The following NNAT variants were observed in gnomAD, a reference collection of about 807,000 sequenced individuals.
NNAT encodes the protein neuronatin.
A neutral mutation model predicts 12.7 loss-of-function variants in NNAT; 8 were observed. The ratio of observed to expected loss-of-function variants is 0.63; its 90% confidence interval spans 0.37 to 1.14. NNAT has a LOEUF of 1.14. Among genes scored for constraint, NNAT ranks in the 50% most tolerant of loss-of-function variants. The pLI, the probability that NNAT is intolerant of heterozygous loss-of-function variation, is 0.01. For synonymous variants in NNAT, 52 were observed against 48.5 expected (o/e 1.07, Z -0.30); for missense variants, 94 against 108.3 (o/e 0.87, Z 0.59).
Position 37,521,273 on chromosome 20 carries a change from A to G in NNAT, c.-59A>G. Reference sequence around the variant, plus strand: ...GCAGTGCGCCCAACAGCGGACTCCGAGACCAGCGGATCTCGGCAAACCCTC... The same window carrying G: ...GCAGTGCGCCCAACAGCGGACTCCGGGACCAGCGGATCTCGGCAAACCCTC... On this transcript the variant is annotated 5_prime_UTR_variant, in exon 1 of 3. Coordinates refer to ENST00000649451, the MANE Select transcript of NNAT (RefSeq NM_005386.4). The surrounding 1 kb of genome is among the most constrained non-coding windows in gnomAD (Gnocchi z 4.5). 1 of 1,576,498 alleles carries G rather than the reference A, an allele frequency of 6.3e-7. No individual in the cohort carries two copies. Among genetic ancestry groups the G allele is most frequent in the Non-Finnish European group, 8.7e-7 (1 of 1,146,304 alleles).
chr20:37,522,505 C>T, intron 2 of NNAT, 67 bp downstream of exon 2: 4 of 1,530,970 alleles, frequency 2.6e-6, no homozygotes, highest in Non-Finnish European at 3.6e-6. Context: ...GGAAAAGCTC[C>T]AGCTGCCCTG....
At chr20:37,522,559 C>A in intron 2 of NNAT, 108 bp from the exon 3 acceptor site, 3 of 977,180 alleles carry the variant, frequency 3.1e-6, no homozygotes, top group Non-Finnish European at 1.4e-6. Flanking sequence ...CCAGCCTACG[C>A]TGGATGGGCG....
At position 37,521,713 on chromosome 20, in the gene NNAT, A is replaced by T; in HGVS notation, c.72+310A>T. The T allele has an allele frequency of 2.9e-6, 1 of 343,404 alleles. No individual in the cohort carries two copies. Among genetic ancestry groups the T allele is most frequent in the Admixed American group, 4.5e-5 (1 of 22,048 alleles). 21.3% of individuals were successfully genotyped at this position (343,404 alleles called of 1,614,324 possible). ...GGTAAGAAAAACCCGCTACACCCGG[A>T]CTCGACCCCAGGAGGGAGGCGGGGC... On this transcript the variant is annotated intron_variant, in intron 1 of 2. Transcript: ENST00000649451. This position sits in a 1 kb window ranked among gnomAD's most constrained non-coding sequence, Gnocchi z 4.5.
chr20:37,522,506 A>G, intron 2 of NNAT, 68 bp downstream of exon 2: 1 of 1,518,186 alleles, frequency 6.6e-7, no homozygotes, highest in Non-Finnish European at 9.1e-7. Context: ...GAAAAGCTCC[A>G]GCTGCCCTGA....
In NNAT at chr20:37,522,561, G is replaced by A. The variant is rs544616101; in HGVS notation, c.154-106G>A. The A allele has an allele frequency of 7.2e-4, 990 of 1,365,812 alleles. 3 individuals carry two copies. Among genetic ancestry groups the A allele is most frequent in the Non-Finnish European group, 9.2e-4 (920 of 1,005,240 alleles). 84.6% of individuals were successfully genotyped at this position (1,365,812 alleles called of 1,614,324 possible). ...CGCGCCCGCCTCTCCAGCCTACGCT[G>A]GATGGGCGGGCGGGGCAGGGGGTGG... is the stretch of plus-strand genomic sequence containing the variant. On this transcript the variant is annotated intron_variant, in intron 2 of 2. Transcript: ENST00000649451.
In NNAT at chr20:37,521,807, G is replaced by A. The variant is rs148602520; in HGVS notation, c.72+404G>A. 391 of 165,864 alleles carry A rather than the reference G, an allele frequency of 2.4e-3. 1 individual carries two copies. Among genetic ancestry groups the A allele is most frequent in the African/African-American group, 9.0e-3 (379 of 42,036 alleles). 10.3% of individuals were successfully genotyped at this position (165,864 alleles called of 1,614,324 possible). A position where few individuals can be genotyped will look rare whatever the true frequency, so the allele number is the denominator to read the frequency against. On this transcript the variant is annotated intron_variant, in intron 1 of 2. Transcript: ENST00000649451. The surrounding 1 kb of genome is among the most constrained non-coding windows in gnomAD (Gnocchi z 4.5). ...TCCACCTTAAAAAATTGCGCATTGC[G>A]GAGAAATTTTATTTAAAAAAACATA...
chr20:37,521,474 G>A lies in NNAT; in HGVS notation c.72+71G>A, dbSNP rs2071569826. Reference sequence around the variant, plus strand: ...CCCCTAGAACCCGCAAGACTGCGTCGCGATTGCCGCTTCCCGGACCCGTCC... The same window carrying A: ...CCCCTAGAACCCGCAAGACTGCGTCACGATTGCCGCTTCCCGGACCCGTCC... On this transcript the variant is annotated intron_variant, in intron 1 of 2. Transcript: ENST00000649451. This position sits in a 1 kb window ranked among gnomAD's most constrained non-coding sequence, Gnocchi z 4.5. 4.1e-6 allele frequency: 6 copies of A among 1,449,248 alleles called. No individual in the cohort carries two copies. Among genetic ancestry groups the A allele is most frequent in the South Asian group, 1.1e-5 (1 of 87,634 alleles). 89.8% of individuals were successfully genotyped at this position (1,449,248 alleles called of 1,614,324 possible).
In NNAT at chr20:37,522,815, G is replaced by C; in HGVS notation, c.*56G>C. The stretch of plus-strand genomic sequence containing the variant: ...TCATCAGGTGCTCCTGTGCATCTCG[G>C]CCAGCACGGGAGCCAGTGCCGCGCA... On this transcript the variant is annotated 3_prime_UTR_variant, in exon 3 of 3. Transcript: ENST00000649451. 1 of 1,471,812 alleles carries C rather than the reference G, an allele frequency of 6.8e-7. No individual in the cohort carries two copies. 91.2% of individuals were successfully genotyped at this position (1,471,812 alleles called of 1,614,324 possible). A position where few individuals can be genotyped will look rare whatever the true frequency, so the allele number is the denominator to read the frequency against.
Position 37,521,282 on chromosome 20 carries a change from G to C in NNAT, c.-50G>C, listed in dbSNP as rs1233666425. The C allele has an allele frequency of 6.3e-7, 1 of 1,593,534 alleles. No homozygotes were observed. The highest frequency in any genetic ancestry group is 8.6e-7 in the Non-Finnish European group (1 of 1,161,650). ...CCAACAGCGGACTCCGAGACCAGCG[G>C]ATCTCGGCAAACCCTCTTTCTCGAC... is the stretch of plus-strand genomic sequence containing the variant. On this transcript the variant is annotated 5_prime_UTR_variant, in exon 1 of 3. Coordinates refer to ENST00000649451, the MANE Select transcript of NNAT (RefSeq NM_005386.4). This position sits in a 1 kb window ranked among gnomAD's most constrained non-coding sequence, Gnocchi z 4.5.
rs940965094 is a variant in NNAT, at chr20:37,521,549, G to A, written c.72+146G>A. On this transcript the variant is annotated intron_variant, in intron 1 of 2. Transcript: ENST00000649451. This position sits in a 1 kb window ranked among gnomAD's most constrained non-coding sequence, Gnocchi z 4.5. ...CTGCCCAAGTGCCGCTGCCGGCACC[G>A]CGCGCCCCCTGCCCATTCCCTGCGC... 59 of 791,542 alleles carry A rather than the reference G, an allele frequency of 7.5e-5. No homozygotes were observed. The highest frequency in any genetic ancestry group is 1.1e-4 in the Non-Finnish European group (54 of 478,968). 49.0% of individuals were successfully genotyped at this position (791,542 alleles called of 1,614,324 possible).
Position 37,521,998 on chromosome 20 carries a change from C to A in NNAT, c.73-360C>A, listed in dbSNP as rs1382227726. ...GCAGGAAAAATAAATCGGAGAAAAG[C>A]ACTTGGCAGAAAAAAATGCATTAGA... On this transcript the variant is annotated intron_variant, in intron 1 of 2. Transcript: ENST00000649451. This position sits in a 1 kb window ranked among gnomAD's most constrained non-coding sequence, Gnocchi z 4.5. 1.3e-5 allele frequency among the ~76,000 whole-genome samples: 2 copies of A among 148,486 alleles called. No homozygotes were observed. The highest frequency in any genetic ancestry group is 2.1e-4 in the South Asian group (1 of 4,688).
In NNAT at chr20:37,523,634, C is replaced by A. The variant is rs2147193608; in HGVS notation, c.*875C>A. ...CCTCTACAAAAAATAAAAAAAGTAC[C>A]TCCCCTGTCTCGCACAGTGTCCCAG... On this transcript the variant is annotated 3_prime_UTR_variant, in exon 3 of 3. Coordinates refer to ENST00000649451, the MANE Select transcript of NNAT (RefSeq NM_005386.4). 6.5e-6 allele frequency: 1 copy of A among 152,768 alleles called. No homozygotes were observed. Among genetic ancestry groups the A allele is most frequent in the East Asian group, 1.9e-4 (1 of 5,186 alleles). 9.5% of individuals were successfully genotyped at this position (152,768 alleles called of 1,614,324 possible). A position where few individuals can be genotyped will look rare whatever the true frequency, so the allele number is the denominator to read the frequency against.
chr20:37,522,005 C>T (rs1050233150), intron 1 of NNAT, among the ~76,000 whole-genome samples: 2 of 147,332 alleles, frequency 1.4e-5, no homozygotes, highest in Non-Finnish European at 3.0e-5. Flanking sequence ...AAGCACTTGG[C>T]AGAAAAAAAT....
Position 37,522,851 on chromosome 20 carries a change from G to A in NNAT, c.*92G>A, listed in dbSNP as rs2147191958. On this transcript the variant is annotated 3_prime_UTR_variant, in exon 3 of 3. Transcript: ENST00000649451. ...AGCCAGTGCCGCGCAGGAATGTGGG[G>A]TCCCCTGTGTTCCCTCGCCAGAGGA... 2.5e-6 allele frequency: 3 copies of A among 1,207,516 alleles called. No homozygotes were observed. Among genetic ancestry groups the A allele is most frequent in the East Asian group, 5.2e-5 (2 of 38,694 alleles). 74.8% of individuals were successfully genotyped at this position (1,207,516 alleles called of 1,614,324 possible).
intron 2 of NNAT, 69 bp from the exon 3 acceptor site, chr20:37,522,598 G>GGGGGGGGGGCCC: frequency 4.6e-6 from 4 of 864,320 alleles, no homozygotes; most frequent in East Asian, 4.6e-5. Context: ...GCGGGGGTGG[G>GGGGGGGGGGCCC]CACGGCAGCA....
At chr20:37,522,578 A>AGGGGGTGGGGC in intron 2 of NNAT, 89 bp from the exon 3 acceptor site, 3 of 683,764 alleles carry the variant, frequency 4.4e-6, no homozygotes, top group Non-Finnish European at 5.8e-6. Context: ...CGGGCGGGGC[A>AGGGGGTGGGGC]GGGGGTGGGG....
chr20:37,522,558 G>A (rs890767882), intron 2 of NNAT, 109 bp from the exon 3 acceptor site: 259 of 1,362,804 alleles, frequency 1.9e-4, no homozygotes, highest in Admixed American at 2.8e-4. Flanking sequence ...TCCAGCCTAC[G>A]CTGGATGGGC....
Position 37,522,648 on chromosome 20 carries a change from C to A in NNAT, c.154-19C>A. The A allele has an allele frequency of 6.2e-7, 1 of 1,603,744 alleles. No individual in the cohort carries two copies. On this transcript the variant is annotated intron_variant, in intron 2 of 2. Coordinates refer to ENST00000649451, the MANE Select transcript of NNAT (RefSeq NM_005386.4). ...TGGGTGCTCTCCACTAAGGGTGGGT[C>A]CTGGGTTTCTCGTCGCAGGTGTTCA...
At chr20:37,522,617 A>G (rs1414086508) in intron 2 of NNAT, 50 bp from the exon 3 acceptor site, 1 of 1,541,000 alleles carries the variant, frequency 6.5e-7, no homozygotes, top group Admixed American at 1.9e-5. Flanking sequence ...CACCACAGAC[A>G]TGCTGTGGGT....
Sources: gnomAD v4.1 joint callset for allele counts (sites outside exome capture counted in the v4.1 genomes callset) on GRCh38, gnomAD v4.1.1 for gene constraint, Gnocchi (gnomAD v3.1) non-coding constraint, MANE v1.5 for transcripts, NCBI Gene and HGNC (gene_info 2026-07-23, HGNC 2026-07-21) for gene names.